Variants in DPH6 observed in about 807,000 individuals in gnomAD.
DPH6 encodes diphthine--ammonia ligase.
Under a neutral mutation model 38.2 loss-of-function variants are expected in DPH6, and 33 were observed. The ratio of observed to expected loss-of-function variants is 0.86; its 90% CI spans 0.65 to 1.15. DPH6 has a LOEUF of 1.15. DPH6 is among the 50% of genes most tolerant of loss of function. The pLI is 0.00. For missense variants in DPH6, 325 were observed against 320.0 expected, an observed-to-expected ratio of 1.02 and a Z score of -0.12; for synonymous variants, 108 against 103.0, an observed-to-expected ratio of 1.05 and a Z score of -0.30.
chr15:35,444,055 A>C (rs1448551154), intron 5 of DPH6, among the ~76,000 whole-genome samples: 3 of 152,070 alleles, frequency 2.0e-5, no homozygotes, highest in Non-Finnish European at 2.9e-5. Flanking sequence ...TCACTGCTAT[A>C]CTCTGGCCCA....
chr15:35,400,767 C>T lies in DPH6; in HGVS notation c.567+10068G>A, dbSNP rs191777471. On this transcript the variant is annotated intron_variant, in intron 6 of 8. Transcript: ENST00000256538. ...TTGGAGGGTTGAGCTTGGAAACAACCGATGAGAGCCCGAGGATCCATTCTG... is the reference window on the plus strand; with the variant it reads ...TTGGAGGGTTGAGCTTGGAAACAACTGATGAGAGCCCGAGGATCCATTCTG... The T allele has an allele frequency of 7.2e-4, 543 of 751,076 alleles. 1 individual carries two copies. The highest frequency in any genetic ancestry group is 8.5e-4 in the Non-Finnish European group (347 of 406,704). 46.5% of individuals were successfully genotyped at this position (751,076 alleles called of 1,614,324 possible). A position where few individuals can be genotyped will look rare whatever the true frequency, so the allele number is the denominator to read the frequency against.
At chr15:35,253,716 A>G (rs2051689625) in intron 3 of DPH6, among the ~76,000 whole-genome samples, 1 of 152,216 alleles carries the variant, frequency 6.6e-6, no homozygotes, top group Admixed American at 6.5e-5. Flanking sequence ...AAGCCTAAAA[A>G]TCCAGACCAC....
chr15:35,166,135 T>C, the DPH6 span, among the ~76,000 whole-genome samples: 2 of 152,040 alleles, frequency 1.3e-5, no homozygotes, highest in African/African-American at 4.8e-5. Flanking sequence ...CCCTGGCCTT[T>C]TCTGTCCTTC....
chr15:35,207,927 G>A, the DPH6 span, among the ~76,000 whole-genome samples: 1 of 152,166 alleles, frequency 6.6e-6, no homozygotes, highest in Non-Finnish European at 1.5e-5. Flanking sequence ...GTTATAAGAT[G>A]AGTATAGTTG....
At chr15:35,524,599 T>C (rs1016845401) in intron 3 of DPH6, among the ~76,000 whole-genome samples, 1 of 152,198 alleles carries the variant, frequency 6.6e-6, no homozygotes, top group Non-Finnish European at 1.5e-5. Context: ...CTACCACTTT[T>C]TAGCTGTGTA....
At chr15:35,211,620 G>A in the DPH6 span, among the ~76,000 whole-genome samples, 2 of 152,164 alleles carry the variant, frequency 1.3e-5, no homozygotes, top group African/African-American at 4.8e-5. Flanking sequence ...AAATTTGAAA[G>A]AGAAATTCAA....
At chr15:35,442,095 A>T (rs959695122) in intron 5 of DPH6, among the ~76,000 whole-genome samples, 7 of 152,208 alleles carry the variant, frequency 4.6e-5, no homozygotes, top group African/African-American at 1.7e-4. Flanking sequence ...AAGTAAAGAG[A>T]AAACCCACAA....
intron 3 of DPH6, among the ~76,000 whole-genome samples, chr15:35,360,950 C>G (rs1367485124): frequency 1.3e-5 from 2 of 152,162 alleles, no homozygotes; most frequent in Non-Finnish European, 2.9e-5. Context: ...GGACTTCTCC[C>G]TACAGCAAAG....
the DPH6 span, among the ~76,000 whole-genome samples, chr15:35,166,690 T>G: frequency 2.2e-4 from 34 of 151,976 alleles, no homozygotes; most frequent in Non-Finnish European, 3.7e-4. Context: ...TACATACATT[T>G]CATTCAGAGT....
At position 35,424,185 on chromosome 15, in the gene DPH6, T is replaced by A. The variant is rs1479948577; in HGVS notation, c.506-13289A>T. Among the ~76,000 whole-genome samples, 7 of 151,704 alleles carry A rather than the reference T, an allele frequency of 4.6e-5. No individual in the cohort carries two copies. In the East Asian group the frequency reaches 1.4e-3, roughly 29 times the overall value. On this transcript the variant is annotated intron_variant, in intron 5 of 8. Transcript: ENST00000256538. Reference sequence around the variant, plus strand: ...CATTTTAACATATTAATTATTTCAATCCAAGAATATGGCTGTATTTCCATT... The same window carrying A: ...CATTTTAACATATTAATTATTTCAAACCAAGAATATGGCTGTATTTCCATT...
chr15:35,414,718 G>A (rs892703678), intron 5 of DPH6, among the ~76,000 whole-genome samples: 1 of 149,780 alleles, frequency 6.7e-6, no homozygotes, highest in African/African-American at 2.5e-5. Flanking sequence ...ATGCCTTCTT[G>A]GTGAATTACT....
intron 3 of DPH6, among the ~76,000 whole-genome samples, chr15:35,270,544 C>T (rs1373965720): frequency 6.6e-6 from 1 of 152,122 alleles, no homozygotes; most frequent in Non-Finnish European, 1.5e-5. Context: ...GTGATTTTTC[C>T]GTAGTTATTT....
intron 3 of DPH6, among the ~76,000 whole-genome samples, chr15:35,356,547 A>T (rs2052561971): frequency 6.6e-6 from 1 of 152,116 alleles, no homozygotes; most frequent in South Asian, 2.1e-4. Context: ...CTGGAGGTCC[A>T]CTCCAGACCC....
intron 3 of DPH6, among the ~76,000 whole-genome samples, chr15:35,320,298 T>G (rs1248230531): frequency 2.0e-5 from 3 of 152,212 alleles, no homozygotes; most frequent in Non-Finnish European, 4.4e-5. Context: ...ATATTTCAAG[T>G]GAAAATGTTC....
chr15:35,539,875 T>C (rs778456199), intron 2 of DPH6, among the ~76,000 whole-genome samples: 40 of 152,198 alleles, frequency 2.6e-4, no homozygotes, highest in Non-Finnish European at 2.1e-4. Context: ...CATTGTTAGA[T>C]TGGCTTCCTT....
At chr15:35,525,878 C>T (rs1405441881) in intron 3 of DPH6, among the ~76,000 whole-genome samples, 1 of 152,146 alleles carries the variant, frequency 6.6e-6, no homozygotes, top group Non-Finnish European at 1.5e-5. Context: ...TTTACACCTA[C>T]AAAACATTTG....
intron 3 of DPH6, among the ~76,000 whole-genome samples, chr15:35,492,053 G>C (rs989045482): frequency 6.6e-6 from 1 of 152,068 alleles, no homozygotes. Flanking sequence ...AAGTGGATTA[G>C]TTTGAAGGCT....
intron 3 of DPH6, among the ~76,000 whole-genome samples, chr15:35,342,408 A>G (rs2052428883): frequency 6.6e-6 from 1 of 152,180 alleles, no homozygotes; most frequent in Admixed American, 6.5e-5. Flanking sequence ...TCCCTTGGCT[A>G]GGGGTGGCAG....
At chr15:35,378,198 T>A (rs1469277636) in intron 7 of DPH6, among the ~76,000 whole-genome samples, 1 of 152,198 alleles carries the variant, frequency 6.6e-6, no homozygotes, top group Admixed American at 6.5e-5. Flanking sequence ...AAAGAAGACA[T>A]TTATGCAGCC....
Sources: allele counts gnomAD v4.1 joint callset (sites outside exome capture counted in the v4.1 genomes callset), GRCh38; gene constraint gnomAD v4.1.1; transcripts MANE v1.5; gene names NCBI Gene and HGNC (gene_info 2026-07-23, HGNC 2026-07-21).